The following SCN8A variants were observed in gnomAD, a reference collection of about 807,000 sequenced individuals.
SCN8A encodes the protein sodium voltage-gated channel alpha subunit 8, also known as sodium channel protein type 8 subunit alpha.
In SCN8A, 30 loss-of-function variants were observed where a neutral mutation model predicts 184.1. The observed-to-expected ratio is 0.16, with a 90% confidence interval of 0.12 to 0.22. The LOEUF is 0.22. Among genes scored for constraint, SCN8A ranks in the 10% least tolerant of loss-of-function variants. The pLI is 1.00. For synonymous variants in SCN8A, 852 were observed against 907.0 expected (o/e 0.94, Z 1.09); for missense variants, 1,057 against 2,498.9 (o/e 0.42, Z 12.30).
chr12:51,614,036 T>G (rs1939779535), intron 1 of SCN8A, among the ~76,000 whole-genome samples: 2 of 152,168 alleles, frequency 1.3e-5, no homozygotes, highest in Non-Finnish European at 2.9e-5. Flanking sequence ...AGGTGGAATG[T>G]TCTATGAATA....
At chr12:51,763,573 A>G (rs1343127140) in intron 15 of SCN8A, among the ~76,000 whole-genome samples, 4 of 152,230 alleles carry the variant, frequency 2.6e-5, no homozygotes, top group African/African-American at 4.8e-5. Context: ...TATTTTCTCT[A>G]TCATTAGCTA....
intron 20 of SCN8A, among the ~76,000 whole-genome samples, chr12:51,779,261 C>T (rs905549657): frequency 2.0e-5 from 3 of 150,442 alleles, no homozygotes; most frequent in African/African-American, 7.3e-5. Flanking sequence ...CCCAAACATT[C>T]TGGAGTTTGA....
In SCN8A at chr12:51,706,555, G is replaced by A. The variant is rs750170064; in HGVS notation, c.1475G>A (p.Arg492His). The A allele has an allele frequency of 1.7e-5, 28 of 1,607,634 alleles. No homozygotes were observed. The highest frequency in any genetic ancestry group is 1.7e-4 in the Admixed American group (10 of 59,024). The part of the protein sequence containing the change: ...KLSSKSAKER[R>H]NRRKKRKQKE... ...AGCTCAAAGAGTGCAAAGGAAAGAC[G>A]TAACAGGAGAAAGAAGAGGAAGCAA... The change falls in exon 11 of 27, where the codon CGT becomes CAT. Residue 492 changes from arginine (R) to histidine (H), a missense_variant. Physicochemically the swap from Arg to His is conservative, Grantham distance 29. Around this residue, in one of 19 missense-constraint regions of SCN8A, gnomAD observed 322 missense variants for 390.1 expected, o/e 0.83. Coordinates refer to ENST00000627620, the MANE Select transcript of SCN8A (RefSeq NM_001330260.2).
At chr12:51,745,845 A>G (rs1942501087) in intron 12 of SCN8A, 58 bp from the exon 13 acceptor site, 3 of 1,425,816 alleles carry the variant, frequency 2.1e-6, no homozygotes, top group African/African-American at 2.9e-5. Flanking sequence ...AGTAAGGCCC[A>G]GATTTACCTT....
chr12:51,678,585 A>G (rs144080661), intron 2 of SCN8A, among the ~76,000 whole-genome samples: 1 of 152,294 alleles, frequency 6.6e-6, no homozygotes, highest in East Asian at 1.9e-4. Context: ...AGAAAATGAG[A>G]TCTAGAGACA....
intron 16 of SCN8A, chr12:51,768,270 GACAT>G (rs969695920): frequency 3.3e-5 from 5 of 152,200 alleles, no homozygotes; most frequent in African/African-American, 9.7e-5. Flanking sequence ...CTGATGGCTT[GACAT>G]TTGGCTATGC....
At chr12:51,779,071 C>T (rs538689095) in intron 20 of SCN8A, among the ~76,000 whole-genome samples, 57 of 151,970 alleles carry the variant, frequency 3.8e-4, no homozygotes, top group East Asian at 2.1e-3. Flanking sequence ...CAAAATTAGC[C>T]GGGCATGGTG....
At chr12:51,645,648 C>T (rs1431626341) in intron 1 of SCN8A, among the ~76,000 whole-genome samples, 1 of 152,012 alleles carries the variant, frequency 6.6e-6, no homozygotes, top group Non-Finnish European at 1.5e-5. Flanking sequence ...GATCGGTGAC[C>T]TTACCCCCAA....
intron 1 of SCN8A, among the ~76,000 whole-genome samples, chr12:51,612,705 A>G (rs1179660042): frequency 6.6e-6 from 1 of 151,916 alleles, no homozygotes; most frequent in Admixed American, 6.6e-5. Context: ...GTATTCTCCT[A>G]TATTGTTGGA....
chr12:51,697,381 C>T (rs1379524852), intron 6 of SCN8A, among the ~76,000 whole-genome samples: 4 of 152,184 alleles, frequency 2.6e-5, no homozygotes, highest in African/African-American at 9.7e-5. Flanking sequence ...CATTTACTCT[C>T]CCAATAAAAA....
intron 22 of SCN8A, among the ~76,000 whole-genome samples, chr12:51,787,163 A>G (rs1459785488): frequency 6.6e-6 from 1 of 152,200 alleles, no homozygotes; most frequent in African/African-American, 2.4e-5. Context: ...AAAAATCAAG[A>G]TAAGCACATA....
Position 51,687,080 on chromosome 12 carries a change from T to G in SCN8A, c.486-11T>G, listed in dbSNP as rs1941431373. The G allele has an allele frequency of 6.2e-7, 1 of 1,613,112 alleles. No homozygotes were observed. Among genetic ancestry groups the G allele is most frequent in the South Asian group, 1.1e-5 (1 of 91,032 alleles). On this transcript the variant is annotated splice_polypyrimidine_tract_variant and intron_variant, in intron 4 of 26. Transcript: ENST00000627620. ...CCAGAAATTACCTCAAGCTATTCAT[T>G]TCTTTGACAGGTACACGTTCACAGG...
intron 1 of SCN8A, among the ~76,000 whole-genome samples, chr12:51,615,532 A>C (rs1350541639): frequency 6.6e-6 from 1 of 152,148 alleles, no homozygotes; most frequent in East Asian, 1.9e-4. Flanking sequence ...CAGCTACGGC[A>C]GCAGGGTAAA....
At chr12:51,742,705 C>A (rs900936854) in intron 12 of SCN8A, among the ~76,000 whole-genome samples, 1 of 151,086 alleles carries the variant, frequency 6.6e-6, no homozygotes, top group Non-Finnish European at 1.5e-5. Context: ...GCTTGGTGTT[C>A]TATAATCTTC....
intron 1 of SCN8A, among the ~76,000 whole-genome samples, chr12:51,662,254 T>C (rs1268371550): frequency 6.6e-6 from 1 of 152,246 alleles, no homozygotes; most frequent in Admixed American, 6.5e-5. Context: ...ATTTTATCTA[T>C]ATTTTGTGTC....
intron 12 of SCN8A, among the ~76,000 whole-genome samples, chr12:51,739,366 A>G (rs563071358): frequency 6.6e-6 from 1 of 152,218 alleles, no homozygotes; most frequent in African/African-American, 2.4e-5. Context: ...CACTGGGGCA[A>G]CTACTTTTTG....
Position 51,760,063 on chromosome 12 carries a change from C to G in SCN8A, c.2371-2440C>G, listed in dbSNP as rs1942739656. Among the ~76,000 whole-genome samples the G allele has an allele frequency of 2.0e-5, 3 of 152,338 alleles. No individual in the cohort carries two copies. The South Asian group carries it at 6.2e-4, about 32-fold the overall frequency. ...GAGTCCTCACATGACCTAATCACCT[C>G]TTATCAGACCTTGCTGCCCAACAGT... is the stretch of plus-strand genomic sequence containing the variant. On this transcript the variant is annotated intron_variant, in intron 14 of 26. Transcript: ENST00000627620.
intron 11 of SCN8A, among the ~76,000 whole-genome samples, chr12:51,721,272 T>C (rs1490214165): frequency 6.6e-6 from 1 of 151,430 alleles, no homozygotes; most frequent in Non-Finnish European, 1.5e-5. Flanking sequence ...CCTGGATAAG[T>C]TGTGTATAAT....
chr12:51,741,034 C>T (rs1034005502), intron 12 of SCN8A, among the ~76,000 whole-genome samples: 1 of 152,196 alleles, frequency 6.6e-6, no homozygotes, highest in Admixed American at 6.5e-5. Flanking sequence ...AACCCACCCA[C>T]CTGGACCTCC....
Sources: allele counts gnomAD v4.1 joint callset (sites outside exome capture counted in the v4.1 genomes callset), GRCh38; gene constraint gnomAD v4.1.1; regional missense constraint gnomAD v4.1.1; transcripts MANE v1.5; gene names NCBI Gene and HGNC (gene_info 2026-07-23, HGNC 2026-07-21).